The following SH3GL2 variants were observed in gnomAD, a reference collection of about 807,000 sequenced individuals.
The protein encoded by SH3GL2 is endophilin-A1.
In SH3GL2, 24 loss-of-function variants were observed where a neutral mutation model predicts 46.0. The observed-to-expected ratio is 0.52, with a 90% CI of 0.38 to 0.73. The LOEUF (loss-of-function observed/expected upper bound fraction) is 0.73. Ranked by LOEUF, SH3GL2 falls within the 30% of genes least tolerant of loss-of-function variation. The probability of loss-of-function intolerance (pLI) is 0.00; values close to 1 mark genes in which losing one functional copy is unlikely to be tolerated. For missense variants in SH3GL2, 413 were observed against 424.2 expected (o/e 0.97, Z 0.23); for synonymous variants, 196 against 147.1 (o/e 1.33, Z -2.40).
chr9:17,687,792 G>A (rs918757246), intron 1 of SH3GL2, among the ~76,000 whole-genome samples: 13 of 152,030 alleles, frequency 8.6e-5, no homozygotes, highest in African/African-American at 2.9e-4. Context: ...AATGATGGAT[G>A]TGAATCTCAA....
chr9:17,673,261 A>G (rs1466442162), intron 1 of SH3GL2, among the ~76,000 whole-genome samples: 1 of 149,028 alleles, frequency 6.7e-6, no homozygotes, highest in Non-Finnish European at 1.5e-5. Context: ...CAATCCTCCC[A>G]CTTCAACCTT....
intron 1 of SH3GL2, among the ~76,000 whole-genome samples, chr9:17,694,220 C>G (rs973492125): frequency 8.5e-5 from 13 of 152,078 alleles, no homozygotes; most frequent in Admixed American, 7.2e-4. Context: ...CACAGGCTGT[C>G]CAGGAAGCTT....
chr9:17,680,633 G>C (rs1820743091), intron 1 of SH3GL2, among the ~76,000 whole-genome samples: 1 of 151,994 alleles, frequency 6.6e-6, no homozygotes, highest in African/African-American at 2.4e-5. Context: ...ATCTCCTTCA[G>C]TTCTTCTCTG....
intron 1 of SH3GL2, among the ~76,000 whole-genome samples, chr9:17,612,658 T>C (rs1336095739): frequency 6.6e-6 from 1 of 152,162 alleles, no homozygotes; most frequent in African/African-American, 2.4e-5. Flanking sequence ...AAAAAGCAGC[T>C]CACTGAGCTA....
intron 1 of SH3GL2, among the ~76,000 whole-genome samples, chr9:17,699,537 G>A (rs913569407): frequency 1.3e-5 from 2 of 152,156 alleles, no homozygotes; most frequent in Admixed American, 6.5e-5. Flanking sequence ...AAGCAGAGAA[G>A]AGCCTTACCA....
intron 1 of SH3GL2, among the ~76,000 whole-genome samples, chr9:17,644,190 A>C (rs957480616): frequency 4.0e-5 from 6 of 151,856 alleles, no homozygotes; most frequent in African/African-American, 1.5e-4. Context: ...TCCCCTTTAT[A>C]TCATTTTTTA....
chr9:17,726,249 G>C (rs1261376161), intron 1 of SH3GL2, among the ~76,000 whole-genome samples: 1 of 152,114 alleles, frequency 6.6e-6, no homozygotes, highest in Non-Finnish European at 1.5e-5. Flanking sequence ...TTCTCCAGCA[G>C]AGTGACATTT....
chr9:17,678,747 G>C (rs760606754), intron 1 of SH3GL2, among the ~76,000 whole-genome samples: 47 of 152,120 alleles, frequency 3.1e-4, no homozygotes, highest in Non-Finnish European at 5.7e-4. Flanking sequence ...TTTTCTTCTA[G>C]GGTTTTTATG....
Position 17,696,638 on chromosome 9 carries a change from G to A in SH3GL2, c.46-50428G>A, listed in dbSNP as rs368992729. On this transcript the variant is annotated intron_variant, in intron 1 of 8. Transcript: ENST00000380607. ...CCCTTAAAAAACCATCAGATCTCAT[G>A]AAAACTCACTCACTATAATGAAAAC... Among the ~76,000 whole-genome samples, 6 of 152,126 alleles carry A rather than the reference G, an allele frequency of 3.9e-5. No homozygotes were observed. The East Asian group carries it at 7.7e-4, about 20-fold the overall frequency.
intron 1 of SH3GL2, among the ~76,000 whole-genome samples, chr9:17,582,380 T>TA (rs1192323342): frequency 6.6e-6 from 1 of 152,224 alleles, no homozygotes; most frequent in East Asian, 1.9e-4. Context: ...TTTACTGTAA[T>TA]AAAGGGCAGA....
At chr9:17,673,945 C>A (rs1273391561) in intron 1 of SH3GL2, among the ~76,000 whole-genome samples, 1 of 152,122 alleles carries the variant, frequency 6.6e-6, no homozygotes, top group Non-Finnish European at 1.5e-5. Flanking sequence ...ATGATAGATC[C>A]TTGCCCACTT....
chr9:17,687,908 AGTTCTGTT>A, intron 1 of SH3GL2, among the ~76,000 whole-genome samples: 2 of 152,148 alleles, frequency 1.3e-5, no homozygotes, highest in Non-Finnish European at 2.9e-5. Context: ...GCCTACAGCC[AGTTCTGTT>A]ATGTAACAAA....
At chr9:17,738,626 T>TTTTATATA (rs58272546) in intron 1 of SH3GL2, among the ~76,000 whole-genome samples, 6,051 of 74,638 alleles carry the variant, frequency 0.081, 381 homozygotes, top group Middle Eastern at 0.12. Context: ...TCATGTGATT[T>TTTTATATA]TATATATATA....
intron 5 of SH3GL2, among the ~76,000 whole-genome samples, chr9:17,788,934 A>C (rs1396835210): frequency 1.3e-5 from 2 of 152,212 alleles, no homozygotes; most frequent in Admixed American, 6.5e-5. Flanking sequence ...TGATTTGAAA[A>C]GCAAGACTGC....
intron 3 of SH3GL2, among the ~76,000 whole-genome samples, chr9:17,763,202 A>G (rs1823228730): frequency 6.6e-6 from 1 of 152,204 alleles, no homozygotes; most frequent in Non-Finnish European, 1.5e-5. Flanking sequence ...AACACAAATT[A>G]TCAGTGGGAG....
At position 17,795,798 on chromosome 9, in the gene SH3GL2, C is replaced by G. The variant is rs1824259468; in HGVS notation, c.*55C>G. The G allele has an allele frequency of 4.2e-6, 6 of 1,425,900 alleles. No individual in the cohort carries two copies. The highest frequency in any genetic ancestry group is 4.9e-6 in the Non-Finnish European group (5 of 1,021,798). The allele number at this position is 1,425,900 out of a possible 1,614,324, so 88.3% of individuals were successfully genotyped here. On this transcript the variant is annotated 3_prime_UTR_variant, in exon 9 of 9. Coordinates refer to ENST00000380607, the MANE Select transcript of SH3GL2 (RefSeq NM_003026.5). ...TGACCCAGATAGTTACGGTTAACCACTGCTTTGGCAATGCTGCTTATAACA... is the reference window on the plus strand; with the variant it reads ...TGACCCAGATAGTTACGGTTAACCAGTGCTTTGGCAATGCTGCTTATAACA...
At chr9:17,602,242 A>G (rs982113767) in intron 1 of SH3GL2, among the ~76,000 whole-genome samples, 15 of 152,086 alleles carry the variant, frequency 9.9e-5, no homozygotes, top group African/African-American at 3.6e-4. Context: ...AATGATCTTT[A>G]TTTTTGGGAT....
intron 2 of SH3GL2, among the ~76,000 whole-genome samples, chr9:17,755,100 C>T (rs1030033271): frequency 6.6e-6 from 1 of 152,156 alleles, no homozygotes; most frequent in African/African-American, 2.4e-5. Context: ...TTTGCCCATT[C>T]AGTATGATGT....
chr9:17,689,131 C>T (rs565850492), intron 1 of SH3GL2, among the ~76,000 whole-genome samples: 2 of 152,176 alleles, frequency 1.3e-5, no homozygotes, highest in South Asian at 2.1e-4. Flanking sequence ...CCTCTGTGGT[C>T]TTCCTCCCTT....
Sources: gnomAD v4.1 joint callset for allele counts (sites outside exome capture counted in the v4.1 genomes callset) on GRCh38, gnomAD v4.1.1 for gene constraint, MANE v1.5 for transcripts, NCBI Gene and HGNC (gene_info 2026-07-23, HGNC 2026-07-21) for gene names.